MAGI2: variants seen among roughly 807,000 people sequenced by gnomAD.
The protein encoded by MAGI2 is membrane associated guanylate kinase, WW and PDZ domain containing 2, also known as membrane-associated guanylate kinase, WW and PDZ domain-containing protein 2.
A neutral mutation model predicts 133.3 loss-of-function variants in MAGI2; 35 were observed. The observed-to-expected ratio is 0.26, with a 90% CI of 0.20 to 0.35. The LOEUF (loss-of-function observed/expected upper bound fraction) is 0.35, where lower values mean the gene tolerates loss of function less well. Among genes scored for constraint, MAGI2 ranks in the 10% least tolerant of loss-of-function variants. MAGI2 has a pLI of 1.00. For synonymous variants in MAGI2, 729 were observed against 710.6 expected (o/e 1.03, Z -0.41); for missense variants, 1,636 against 1,863.4 (o/e 0.88, Z 2.25).
At chr7:78,531,817 C>T (rs1797497901) in intron 3 of MAGI2, among the ~76,000 whole-genome samples, 1 of 152,316 alleles carries the variant, frequency 6.6e-6, no homozygotes, top group South Asian at 2.1e-4. Context: ...TAGGAGACCT[C>T]TACGACTATT....
chr7:78,974,536 T>C (rs947175505), intron 2 of MAGI2, among the ~76,000 whole-genome samples: 1 of 151,936 alleles, frequency 6.6e-6, no homozygotes, highest in East Asian at 1.9e-4. Context: ...AAATCATATG[T>C]CATGTAGAAA....
intron 1 of MAGI2, among the ~76,000 whole-genome samples, chr7:79,011,600 C>A (rs1487977856): frequency 6.6e-6 from 1 of 152,090 alleles, no homozygotes; most frequent in Non-Finnish European, 1.5e-5. Context: ...CTGGAGAAAG[C>A]AGTTCACTAA....
At chr7:79,424,633 T>C (rs1157420997) in intron 1 of MAGI2, among the ~76,000 whole-genome samples, 1 of 152,212 alleles carries the variant, frequency 6.6e-6, no homozygotes, top group Non-Finnish European at 1.5e-5. Flanking sequence ...TTCCACAATG[T>C]ATGTATACTT....
At chr7:78,371,248 AG>A (rs1793876369) in intron 6 of MAGI2, among the ~76,000 whole-genome samples, 1 of 152,002 alleles carries the variant, frequency 6.6e-6, no homozygotes, top group African/African-American at 2.4e-5. Context: ...TTTTATAAAC[AG>A]CTCATTCAAA....
At chr7:78,596,233 G>GAAGA (rs1297707944) in intron 3 of MAGI2, among the ~76,000 whole-genome samples, 4 of 151,444 alleles carry the variant, frequency 2.6e-5, no homozygotes, top group Non-Finnish European at 5.9e-5. Flanking sequence ...GGGAGGGAAG[G>GAAGA]AAGAAAGGAA....
intron 2 of MAGI2, among the ~76,000 whole-genome samples, chr7:78,937,722 T>C (rs923316220): frequency 4.6e-5 from 7 of 152,158 alleles, no homozygotes; most frequent in African/African-American, 7.2e-5. Flanking sequence ...ACATGGTCTC[T>C]GGATCGAAAC....
intron 9 of MAGI2, among the ~76,000 whole-genome samples, chr7:78,323,103 TGAA>T (rs773535955): frequency 1.3e-5 from 2 of 151,718 alleles, no homozygotes; most frequent in Non-Finnish European, 2.9e-5. Context: ...AATTTACATT[TGAA>T]GAAGGTTTTG....
At chr7:79,011,920 CCTTCCTTT>C (rs1405542431) in intron 1 of MAGI2, among the ~76,000 whole-genome samples, 1,470 of 123,252 alleles carry the variant, frequency 0.012, 17 homozygotes, top group African/African-American at 0.031. Context: ...TTCCTTCCTT[CCTTCCTTT>C]CTTTCTTTCT....
At chr7:78,178,792 A>C (rs1180616521) in intron 13 of MAGI2, among the ~76,000 whole-genome samples, 2 of 152,302 alleles carry the variant, frequency 1.3e-5, no homozygotes, top group East Asian at 3.9e-4. Context: ...TTTATCACCG[A>C]AACATTTTAG....
At chr7:79,259,787 T>C (rs1247613995) in intron 1 of MAGI2, among the ~76,000 whole-genome samples, 1 of 152,220 alleles carries the variant, frequency 6.6e-6, no homozygotes, top group Non-Finnish European at 1.5e-5. Context: ...ATATTTATTA[T>C]TTGTTTGATG....
At chr7:78,668,733 A>T (rs1384577450) in intron 2 of MAGI2, among the ~76,000 whole-genome samples, 2 of 151,956 alleles carry the variant, frequency 1.3e-5, no homozygotes, top group Non-Finnish European at 2.9e-5. Flanking sequence ...CTCAGACCAC[A>T]GTGCAATCAA....
At chr7:78,709,973 A>G (rs1474711664) in intron 2 of MAGI2, among the ~76,000 whole-genome samples, 1 of 152,152 alleles carries the variant, frequency 6.6e-6, no homozygotes, top group Non-Finnish European at 1.5e-5. Context: ...CTTTTAGATC[A>G]CAAACCTAGA....
At chr7:79,391,746 G>A (rs1844670574) in intron 1 of MAGI2, among the ~76,000 whole-genome samples, 4 of 151,630 alleles carry the variant, frequency 2.6e-5, no homozygotes, top group South Asian at 4.2e-4. Flanking sequence ...CTGGAGTGGC[G>A]CGATCTCGGC....
intron 2 of MAGI2, chr7:78,946,835 A>G (rs1801454486): frequency 6.6e-6 from 1 of 152,172 alleles, no homozygotes; most frequent in African/African-American, 2.4e-5. Flanking sequence ...TATTGAAGAA[A>G]ATTCCATCAC....
chr7:78,553,703 T>C (rs1277257419), intron 3 of MAGI2, among the ~76,000 whole-genome samples: 1 of 152,210 alleles, frequency 6.6e-6, no homozygotes, highest in Non-Finnish European at 1.5e-5. Context: ...ACACAAGCGT[T>C]TGTGCAGACA....
rs140061330 is a variant in MAGI2, at chr7:78,337,409, A to G, written c.1408+6369T>C. Among the ~76,000 whole-genome samples, 844 of 152,302 alleles carry G rather than the reference A, an allele frequency of 5.5e-3. 7 individuals carry two copies. The highest frequency in any genetic ancestry group is 0.019 in the African/African-American group (791 of 41,578). On this transcript the variant is annotated intron_variant, in intron 9 of 21. Coordinates refer to ENST00000354212, the MANE Select transcript of MAGI2 (RefSeq NM_012301.4). ...CATACCTTCCCAGGAGTCAGTGCTGACTAAGAAAGAAATAATTCCCAACTC... is the reference window on the plus strand; with the variant it reads ...CATACCTTCCCAGGAGTCAGTGCTGGCTAAGAAAGAAATAATTCCCAACTC...
In MAGI2 at chr7:79,283,277, G is replaced by C. The variant is rs181414158; in HGVS notation, c.301+169743C>G. ...TGTCACAGAGGACATATAAATGCAT[G>C]AAACATTGACATTTTTTAAAAAATG... On this transcript the variant is annotated intron_variant, in intron 1 of 21. Transcript: ENST00000354212. Among the ~76,000 whole-genome samples, 158 of 152,172 alleles carry C rather than the reference G, an allele frequency of 1.0e-3. 4 individuals are homozygous for C. The East Asian group carries it at 0.02, about 19-fold the overall frequency.
chr7:79,275,197 T>G lies in MAGI2; in HGVS notation c.301+177823A>C, dbSNP rs150128227. ...GAGATAGATCAAAAGCTAGCCCTCT[T>G]GTAGCAAACAGTTAGCCAAATCATG... On this transcript the variant is annotated intron_variant, in intron 1 of 21. Coordinates refer to ENST00000354212, the MANE Select transcript of MAGI2 (RefSeq NM_012301.4). Among the ~76,000 whole-genome samples the G allele has an allele frequency of 4.0e-3, 614 of 152,292 alleles. 6 individuals carry two copies. Among genetic ancestry groups the G allele is most frequent in the African/African-American group, 0.014 (585 of 41,562 alleles).
chr7:78,618,860 G>A (rs1807393971), intron 3 of MAGI2: 1 of 151,650 alleles, frequency 6.6e-6, no homozygotes, highest in Non-Finnish European at 1.5e-5. Flanking sequence ...GTTACCAGAA[G>A]CTGTAAAGGA....
Sources: allele counts gnomAD v4.1 joint callset (sites outside exome capture counted in the v4.1 genomes callset), GRCh38; gene constraint gnomAD v4.1.1; transcripts MANE v1.5; gene names NCBI Gene and HGNC (gene_info 2026-07-23, HGNC 2026-07-21).